Variants in CNTLN observed in about 807,000 individuals in gnomAD.
CNTLN encodes centlein, centrosomal protein.
A neutral mutation model predicts 180.0 loss-of-function variants in CNTLN; 212 were observed. The observed-to-expected ratio is 1.18, with a 90% CI of 1.05 to 1.32. The LOEUF is 1.32. Among genes scored for constraint, CNTLN ranks in the 40% most tolerant of loss-of-function variants. The pLI is 0.00. For missense variants in CNTLN, 2,095 were observed against 1,610.9 expected (o/e 1.30, Z -5.14); for synonymous variants, 722 against 563.1 (o/e 1.28, Z -3.99).
chr9:17,411,035 T>G (rs756122196), intron 16 of CNTLN, among the ~76,000 whole-genome samples: 3 of 152,126 alleles, frequency 2.0e-5, no homozygotes, highest in African/African-American at 7.2e-5. Context: ...AAAACTTTTT[T>G]TGGGATTTTG....
Position 17,245,270 on chromosome 9 carries a change from G to T in CNTLN, c.849+8682G>T, listed in dbSNP as rs1248232156. On this transcript the variant is annotated intron_variant, in intron 5 of 25. Transcript: ENST00000380647. The stretch of plus-strand genomic sequence containing the variant: ...TGTAATCCAGCTTTTGTTTGTCTGG[G>T]AAAGTCTTTTGTTTGAAGGATATTT... Among the ~76,000 whole-genome samples, 3 of 151,552 alleles carry T rather than the reference G, an allele frequency of 2.0e-5. No individual in the cohort carries two copies. The East Asian group carries it at 5.8e-4, about 29-fold the overall frequency.
the CNTLN span, among the ~76,000 whole-genome samples, chr9:17,526,160 C>G: frequency 1.3e-5 from 2 of 152,144 alleles, no homozygotes; most frequent in African/African-American, 2.4e-5. Flanking sequence ...TGGTCTCGAT[C>G]TCCTGACCTT....
intron 18 of CNTLN, among the ~76,000 whole-genome samples, chr9:17,428,965 G>A (rs1209015215): frequency 6.6e-6 from 1 of 151,776 alleles, no homozygotes; most frequent in Admixed American, 6.6e-5. Context: ...TTCCTTGAAC[G>A]ATTTGAGGCA....
chr9:17,188,242 G>C (rs527437324), intron 2 of CNTLN, among the ~76,000 whole-genome samples: 11 of 151,958 alleles, frequency 7.2e-5, no homozygotes, highest in Middle Eastern at 3.4e-3. Flanking sequence ...GTTTGTGAGA[G>C]AAGGCATGGA....
chr9:17,452,968 C>T (rs1430887173), intron 18 of CNTLN, among the ~76,000 whole-genome samples: 2 of 151,762 alleles, frequency 1.3e-5, no homozygotes, highest in African/African-American at 4.8e-5. Context: ...ATATTTCTAG[C>T]ATAGAAAATG....
intron 3 of CNTLN, among the ~76,000 whole-genome samples, chr9:17,227,436 G>C (rs1345551861): frequency 6.6e-6 from 1 of 151,944 alleles, no homozygotes; most frequent in East Asian, 1.9e-4. Flanking sequence ...TTTCAAAAAA[G>C]AAGTGAAAGA....
At chr9:17,227,644 A>G (rs568466023) in intron 3 of CNTLN, among the ~76,000 whole-genome samples, 1 of 152,108 alleles carries the variant, frequency 6.6e-6, no homozygotes, top group East Asian at 1.9e-4. Flanking sequence ...TATTGTTATA[A>G]AGTTGTTTTA....
intron 18 of CNTLN, among the ~76,000 whole-genome samples, chr9:17,437,020 G>C (rs1829817731): frequency 6.6e-6 from 1 of 152,196 alleles, no homozygotes; most frequent in Non-Finnish European, 1.5e-5. Context: ...ATGAAACACA[G>C]TGCGGTTATT....
rs544302052 is a variant in CNTLN, at chr9:17,342,026, C to T, written c.1767-299C>T. ...AGATTTTTTTGTATGCGGGGGGGAC[C>T]GTTAAAATTCTACAGTGTCTGTTTT... On this transcript the variant is annotated intron_variant, in intron 11 of 25. Coordinates refer to ENST00000380647, the MANE Select transcript of CNTLN (RefSeq NM_017738.4). 3.3e-5 allele frequency among the ~76,000 whole-genome samples: 5 copies of T among 151,928 alleles called. No individual in the cohort carries two copies. In the South Asian group the frequency reaches 6.3e-4, roughly 19 times the overall value.
At chr9:17,161,445 TAATCTC>T (rs1429738386) in intron 2 of CNTLN, among the ~76,000 whole-genome samples, 3 of 152,142 alleles carry the variant, frequency 2.0e-5, no homozygotes, top group African/African-American at 7.2e-5. Flanking sequence ...TAAGGAAACA[TAATCTC>T]AGGAAGCAGG....
intron 7 of CNTLN, among the ~76,000 whole-genome samples, chr9:17,302,710 T>C (rs561925340): frequency 3.6e-4 from 55 of 152,326 alleles, no homozygotes; most frequent in African/African-American, 1.3e-3. Flanking sequence ...TTTATGGCGA[T>C]GTTTCTATTT....
intron 2 of CNTLN, among the ~76,000 whole-genome samples, chr9:17,223,313 G>A (rs963896487): frequency 2.0e-5 from 3 of 152,052 alleles, no homozygotes; most frequent in East Asian, 3.9e-4. Context: ...GGGGAACTAC[G>A]GTATTTGGAT....
At chr9:17,314,616 A>C (rs1045489731) in intron 8 of CNTLN, among the ~76,000 whole-genome samples, 1 of 152,232 alleles carries the variant, frequency 6.6e-6, no homozygotes, top group Non-Finnish European at 1.5e-5. Flanking sequence ...CTGAACTTCC[A>C]AAGTTTCTGT....
At chr9:17,458,555 C>G (rs1831270704) in intron 19 of CNTLN, among the ~76,000 whole-genome samples, 1 of 151,894 alleles carries the variant, frequency 6.6e-6, no homozygotes, top group Non-Finnish European at 1.5e-5. Context: ...TATTGGAATA[C>G]TATGTTGAAT....
intron 5 of CNTLN, among the ~76,000 whole-genome samples, chr9:17,267,510 A>C (rs950974387): frequency 6.6e-6 from 1 of 151,694 alleles, no homozygotes; most frequent in Non-Finnish European, 1.5e-5. Flanking sequence ...TCTGACAATT[A>C]TGTGTCTTGG....
At chr9:17,298,937 A>G in intron 7 of CNTLN, 1 of 985,172 alleles carries the variant, frequency 1.0e-6, no homozygotes, top group Non-Finnish European at 1.2e-6. Context: ...AATTTAATCT[A>G]CTAATTAAAA....
the CNTLN span, among the ~76,000 whole-genome samples, chr9:17,528,406 A>G: frequency 6.6e-6 from 1 of 152,212 alleles, no homozygotes; most frequent in Non-Finnish European, 1.5e-5. Flanking sequence ...TGAAGAGGAC[A>G]TTAGACAAAC....
intron 2 of CNTLN, chr9:17,168,469 T>G (rs985786465): frequency 2.6e-5 from 4 of 152,170 alleles, no homozygotes; most frequent in African/African-American, 7.2e-5. Flanking sequence ...TGGTGGTGGT[T>G]GTTTTTTGGT....
At chr9:17,256,168 C>T (rs144395281) in intron 5 of CNTLN, among the ~76,000 whole-genome samples, 2,362 of 151,876 alleles carry the variant, frequency 0.016, 64 homozygotes, top group African/African-American at 0.054. Context: ...TTGATGGTCA[C>T]CTAGGTTGAT....
Sources: gnomAD v4.1 joint callset for allele counts (sites outside exome capture counted in the v4.1 genomes callset) on GRCh38, gnomAD v4.1.1 for gene constraint, MANE v1.5 for transcripts, NCBI Gene and HGNC (gene_info 2026-07-23, HGNC 2026-07-21) for gene names.